Variants in NCAM2 observed in about 807,000 individuals in gnomAD.
NCAM2 encodes neural cell adhesion molecule 2, also known as N-CAM-2.
In NCAM2, 30 loss-of-function variants were observed where a neutral mutation model predicts 98.1. The observed-to-expected ratio is 0.31, with a 90% CI of 0.23 to 0.41. NCAM2 has a LOEUF of 0.41. Among genes scored for constraint, NCAM2 ranks in the 10% least tolerant of loss-of-function variants. The pLI is 1.00. For synonymous variants in NCAM2, 368 were observed against 342.4 expected, an observed-to-expected ratio of 1.07 and a Z score of -0.83; for missense variants, 867 against 1,005.8, an observed-to-expected ratio of 0.86 and a Z score of 1.87.
chr21:21,499,757 C>T lies in NCAM2; in HGVS notation c.2078-9094C>T, dbSNP rs1602507186. ...TTGGAATTCCCAAAGTACTTTCTTG[C>T]TTGAGCCTAAAAGAGCATTTTCATT... On this transcript the variant is annotated intron_variant, in intron 15 of 17. Coordinates refer to ENST00000400546, the MANE Select transcript of NCAM2 (RefSeq NM_004540.5). 2.6e-5 allele frequency among the ~76,000 whole-genome samples: 4 copies of T among 152,040 alleles called. No homozygotes were observed. The South Asian group carries it at 6.2e-4, about 24-fold the overall frequency.
intron 1 of NCAM2, among the ~76,000 whole-genome samples, chr21:21,231,531 CTA>C (rs1363457136): frequency 4.0e-5 from 6 of 151,236 alleles, no homozygotes; most frequent in Admixed American, 1.3e-4. Context: ...GCTAATGACT[CTA>C]TGTATTAAAC....
Position 21,298,672 on chromosome 21 carries a change from T to C in NCAM2, c.619+6431T>C, listed in dbSNP as rs146787308. Among the ~76,000 whole-genome samples the C allele has an allele frequency of 5.9e-5, 9 of 151,738 alleles. No individual in the cohort carries two copies. In the East Asian group the frequency reaches 1.8e-3, roughly 30 times the overall value. Reference sequence around the variant, plus strand: ...ATCTGCACAGATCTAGGCACATCTTTCTTTGCTTTTCTCTTCCATATAAGT... The same window carrying C: ...ATCTGCACAGATCTAGGCACATCTTCCTTTGCTTTTCTCTTCCATATAAGT... On this transcript the variant is annotated intron_variant, in intron 5 of 17. Transcript: ENST00000400546.
intron 12 of NCAM2, among the ~76,000 whole-genome samples, chr21:21,437,191 T>G (rs1225236572): frequency 6.6e-6 from 1 of 152,112 alleles, no homozygotes; most frequent in Non-Finnish European, 1.5e-5. Context: ...CAGTTCAGGC[T>G]CCAGTGGTAT....
chr21:21,198,595 T>C (rs2069097213), intron 1 of NCAM2, among the ~76,000 whole-genome samples: 1 of 152,206 alleles, frequency 6.6e-6, no homozygotes, highest in African/African-American at 2.4e-5. Flanking sequence ...CTTATCATTC[T>C]GACTCTTGTC....
rs1486576478 is a variant in NCAM2, at chr21:21,540,322, G to A, written c.*2365G>A. ...ATATATATATGATGTTAAATTTCCTGCCACTCATGTGGAGTAATGATCTGA... is the reference window on the plus strand; with the variant it reads ...ATATATATATGATGTTAAATTTCCTACCACTCATGTGGAGTAATGATCTGA... On this transcript the variant is annotated 3_prime_UTR_variant, in exon 18 of 18. Coordinates refer to ENST00000400546, the MANE Select transcript of NCAM2 (RefSeq NM_004540.5). 1 of 150,322 alleles carries A rather than the reference G, an allele frequency of 6.7e-6. No individual in the cohort carries two copies. The highest frequency in any genetic ancestry group is 2.4e-5 in the African/African-American group (1 of 40,950). 9.3% of individuals were successfully genotyped at this position (150,322 alleles called of 1,614,324 possible).
chr21:21,530,305 AAAT>A (rs879580427), intron 16 of NCAM2, among the ~76,000 whole-genome samples: 17,146 of 57,696 alleles, frequency 0.3, 1,483 homozygotes, highest in Admixed American at 0.41. Flanking sequence ...TAATTAAATT[AAAT>A]TATATATAAT....
At chr21:21,278,145 A>G (rs1476637046) in intron 1 of NCAM2, among the ~76,000 whole-genome samples, 2 of 152,064 alleles carry the variant, frequency 1.3e-5, no homozygotes, top group African/African-American at 2.4e-5. Context: ...GAGAAGACAC[A>G]TAATTATAAT....
At chr21:21,481,767 T>C (rs1985907061) in intron 15 of NCAM2, among the ~76,000 whole-genome samples, 1 of 151,770 alleles carries the variant, frequency 6.6e-6, no homozygotes, top group Admixed American at 6.6e-5. Context: ...TCACAACTTA[T>C]CAAAAAAAGG....
At chr21:21,101,888 TA>T (rs2066249062) in intron 1 of NCAM2, among the ~76,000 whole-genome samples, 1 of 152,098 alleles carries the variant, frequency 6.6e-6, no homozygotes, top group Non-Finnish European at 1.5e-5. Flanking sequence ...CTTTGACAAT[TA>T]TAAATAGTGT....
intron 15 of NCAM2, among the ~76,000 whole-genome samples, chr21:21,506,215 G>A (rs2146347490): frequency 6.6e-6 from 1 of 152,102 alleles, no homozygotes; most frequent in South Asian, 2.1e-4. Context: ...ATACACCAGG[G>A]CTAAACCACA....
At chr21:21,213,669 G>A (rs564058887) in intron 1 of NCAM2, among the ~76,000 whole-genome samples, 15 of 152,110 alleles carry the variant, frequency 9.9e-5, no homozygotes, top group African/African-American at 3.6e-4. Flanking sequence ...AACACATTCA[G>A]TTAGTATTCA....
chr21:21,512,003 T>G (rs567123892), intron 16 of NCAM2, among the ~76,000 whole-genome samples: 2 of 152,140 alleles, frequency 1.3e-5, no homozygotes, highest in South Asian at 4.1e-4. Flanking sequence ...ATTAACTCCT[T>G]GTCAGATGGG....
chr21:21,250,494 G>T (rs2071430810), intron 1 of NCAM2, among the ~76,000 whole-genome samples: 1 of 152,122 alleles, frequency 6.6e-6, no homozygotes. Flanking sequence ...AATAAGCAAA[G>T]AAATTATAAA....
chr21:21,050,317 G>T (rs757948665), intron 1 of NCAM2, among the ~76,000 whole-genome samples: 4 of 152,156 alleles, frequency 2.6e-5, no homozygotes, highest in Non-Finnish European at 5.9e-5. Flanking sequence ...GCCAAAACCT[G>T]ATTTTAGTAG....
intron 1 of NCAM2, among the ~76,000 whole-genome samples, chr21:21,260,702 A>G (rs1419690330): frequency 1.3e-5 from 2 of 152,188 alleles, no homozygotes; most frequent in Non-Finnish European, 2.9e-5. Context: ...GAAATGCTCA[A>G]AGGAGTCCTA....
chr21:21,169,883 A>T (rs992597091), intron 1 of NCAM2, among the ~76,000 whole-genome samples: 2 of 152,098 alleles, frequency 1.3e-5, no homozygotes, highest in East Asian at 1.9e-4. Flanking sequence ...GCTTGACCCC[A>T]GGGAAGTCGA....
intron 1 of NCAM2, among the ~76,000 whole-genome samples, chr21:21,187,380 T>G (rs1017774309): frequency 1.3e-5 from 2 of 152,142 alleles, no homozygotes; most frequent in African/African-American, 2.4e-5. Context: ...CACCACATAC[T>G]TTTTAACGTT....
intron 9 of NCAM2, among the ~76,000 whole-genome samples, chr21:21,381,536 A>G (rs1221608569): frequency 6.6e-6 from 1 of 152,042 alleles, no homozygotes; most frequent in Non-Finnish European, 1.5e-5. Flanking sequence ...AAGCGATTCT[A>G]TAGGAATTTT....
intron 1 of NCAM2, among the ~76,000 whole-genome samples, chr21:21,186,307 A>C (rs964203275): frequency 7.9e-5 from 12 of 152,164 alleles, no homozygotes; most frequent in Admixed American, 3.3e-4. Context: ...TTTGGCCAGA[A>C]AATTATAAAA....
Sources: gnomAD v4.1 joint callset for allele counts (sites outside exome capture counted in the v4.1 genomes callset) on GRCh38, gnomAD v4.1.1 for gene constraint, MANE v1.5 for transcripts, NCBI Gene and HGNC (gene_info 2026-07-23, HGNC 2026-07-21) for gene names.